The following ZFPM2 variants were observed in gnomAD, a reference collection of about 807,000 sequenced individuals.
ZFPM2 encodes the protein zinc finger protein ZFPM2.
In ZFPM2, 20 loss-of-function variants were observed where a neutral mutation model predicts 98.6. The ratio of observed to expected loss-of-function variants is 0.20; its 90% CI spans 0.14 to 0.29. The LOEUF (loss-of-function observed/expected upper bound fraction) is 0.29, where lower values mean the gene tolerates loss of function less well. ZFPM2 is among the 10% of genes least tolerant of loss of function. The pLI, the probability that ZFPM2 is intolerant of heterozygous loss-of-function variation, is 1.00. For synonymous variants in ZFPM2, 518 were observed against 502.7 expected (o/e 1.03, Z -0.41); for missense variants, 1,310 against 1,388.6 (o/e 0.94, Z 0.90).
At position 105,410,299 on chromosome 8, in the gene ZFPM2, CAAAG is replaced by C. The variant is rs1811550486; in HGVS notation, c.41-8841_41-8838del. Among the ~76,000 whole-genome samples, 7 of 151,902 alleles carry C rather than the reference CAAAG, an allele frequency of 4.6e-5. No homozygotes were observed. The South Asian group carries it at 1.0e-3, about 23-fold the overall frequency. ...TGTAACTGTATTGTTACACATGAAA[CAAAG>C]AAACGTATGCTGAATGTTTTTAAGG... On this transcript the variant is annotated intron_variant, in intron 1 of 7. Transcript: ENST00000407775.
chr8:105,772,935 A>C (rs1017586715), intron 5 of ZFPM2, among the ~76,000 whole-genome samples: 1 of 152,154 alleles, frequency 6.6e-6, no homozygotes, highest in Admixed American at 6.6e-5. Flanking sequence ...TGGGCACGTG[A>C]GTTGAATGCA....
chr8:105,769,360 T>C (rs1012644598), intron 5 of ZFPM2, among the ~76,000 whole-genome samples: 2 of 152,048 alleles, frequency 1.3e-5, no homozygotes, highest in African/African-American at 2.4e-5. Flanking sequence ...GACTCTGTGA[T>C]CCTTGCAGGT....
In ZFPM2 at chr8:105,598,054, A is replaced by G. The variant is rs77102831; in HGVS notation, c.421-36192A>G. 7.1e-5 allele frequency among the ~76,000 whole-genome samples: 10 copies of G among 141,546 alleles called. No individual in the cohort carries two copies. In the East Asian group the frequency reaches 1.2e-3, roughly 17 times the overall value. 92.9% of individuals were successfully genotyped at this position (141,546 alleles called of 152,430 possible). Reference sequence around the variant, plus strand: ...CTGTTATAACATCTGTTGTTCTTGGAAAAAAAAAAACCTTTTTTTTTTTTT... The same window carrying G: ...CTGTTATAACATCTGTTGTTCTTGGGAAAAAAAAAACCTTTTTTTTTTTTT... On this transcript the variant is annotated intron_variant, in intron 4 of 7. Coordinates refer to ENST00000407775, the MANE Select transcript of ZFPM2 (RefSeq NM_012082.4).
intron 5 of ZFPM2, among the ~76,000 whole-genome samples, chr8:105,689,258 A>G (rs898500919): frequency 5.3e-5 from 8 of 152,228 alleles, no homozygotes; most frequent in Non-Finnish European, 8.8e-5. Context: ...CTTTTTAAAA[A>G]GAGTAAGACA....
intron 1 of ZFPM2, among the ~76,000 whole-genome samples, chr8:105,358,123 A>G (rs947964437): frequency 5.3e-5 from 8 of 152,222 alleles, no homozygotes; most frequent in African/African-American, 1.9e-4. Flanking sequence ...GAGTAAAATT[A>G]ATTTTGTGAA....
intron 3 of ZFPM2, among the ~76,000 whole-genome samples, chr8:105,506,871 C>T (rs1321834858): frequency 1.3e-5 from 2 of 150,952 alleles, no homozygotes; most frequent in East Asian, 3.9e-4. Context: ...GCCTGTAGTC[C>T]CAGCTAGTTG....
At chr8:105,382,501 G>C (rs1375269511) in intron 1 of ZFPM2, among the ~76,000 whole-genome samples, 2 of 151,776 alleles carry the variant, frequency 1.3e-5, no homozygotes, top group Non-Finnish European at 2.9e-5. Context: ...CCTTCATTGA[G>C]AAGAATATTA....
intron 5 of ZFPM2, among the ~76,000 whole-genome samples, chr8:105,669,021 T>C (rs564203774): frequency 6.6e-6 from 1 of 152,282 alleles, no homozygotes; most frequent in East Asian, 1.9e-4. Flanking sequence ...TTTATATGCA[T>C]TATTCAACCT....
intron 1 of ZFPM2, among the ~76,000 whole-genome samples, chr8:105,409,624 G>A (rs1249273597): frequency 6.6e-6 from 1 of 151,812 alleles, no homozygotes; most frequent in East Asian, 1.9e-4. Flanking sequence ...GTAAATTATT[G>A]TACTCTTTGT....
At chr8:105,403,212 T>C (rs2129991656) in intron 1 of ZFPM2, among the ~76,000 whole-genome samples, 1 of 152,212 alleles carries the variant, frequency 6.6e-6, no homozygotes, top group African/African-American at 2.4e-5. Context: ...TCCTTAGTGT[T>C]ATACCTACTG....
At position 105,801,939 on chromosome 8, in the gene ZFPM2, ACTT is replaced by A; in HGVS notation, c.1862_1864del (p.Leu621del). On this transcript the variant is annotated inframe_deletion, in exon 8 of 8. Transcript: ENST00000407775. ...CTCATTCTGCTGATCCTGAGAATCC[ACTT>A]CTTCAAACATCTTGCATCAATTCTT... The A allele has an allele frequency of 6.2e-7, 1 of 1,613,846 alleles. No homozygotes were observed. Among genetic ancestry groups the A allele is most frequent in the Non-Finnish European group, 8.5e-7 (1 of 1,179,858 alleles).
intron 3 of ZFPM2, among the ~76,000 whole-genome samples, chr8:105,511,499 A>G (rs1242624106): frequency 6.6e-6 from 1 of 152,218 alleles, no homozygotes; most frequent in Non-Finnish European, 1.5e-5. Context: ...TATGGTAGTG[A>G]TTGTCATGAA....
intron 4 of ZFPM2, among the ~76,000 whole-genome samples, chr8:105,568,554 A>T (rs1486323583): frequency 6.6e-6 from 1 of 152,126 alleles, no homozygotes; most frequent in African/African-American, 2.4e-5. Flanking sequence ...TCCAGAAACC[A>T]AGCATCATAA....
intron 1 of ZFPM2, among the ~76,000 whole-genome samples, chr8:105,378,243 G>A (rs1208662678): frequency 3.9e-5 from 6 of 152,170 alleles, no homozygotes; most frequent in Non-Finnish European, 5.9e-5. Context: ...AACTGGGGGT[G>A]AACTAAGAAT....
chr8:105,785,739 AC>A (rs1813395933), intron 5 of ZFPM2, among the ~76,000 whole-genome samples: 1 of 151,992 alleles, frequency 6.6e-6, no homozygotes, highest in Non-Finnish European at 1.5e-5. Context: ...CTCCATCTCT[AC>A]AAAAAATATT....
intron 5 of ZFPM2, among the ~76,000 whole-genome samples, chr8:105,694,674 C>G (rs1311104630): frequency 1.3e-5 from 2 of 152,142 alleles, no homozygotes; most frequent in Non-Finnish European, 2.9e-5. Flanking sequence ...TACTCAATGT[C>G]TTTAGGTCCT....
chr8:105,573,161 A>G (rs1815393687), intron 4 of ZFPM2, among the ~76,000 whole-genome samples: 1 of 152,066 alleles, frequency 6.6e-6, no homozygotes, highest in African/African-American at 2.4e-5. Flanking sequence ...GTGGGCCTCT[A>G]CTTAAGGCCA....
chr8:105,644,533 G>C (rs533443526), intron 5 of ZFPM2, among the ~76,000 whole-genome samples: 1 of 150,342 alleles, frequency 6.7e-6, no homozygotes, highest in East Asian at 2.0e-4. Context: ...TCTCTCCCTC[G>C]CTCCCCATAC....
chr8:105,517,667 TAGTG>T lies in ZFPM2; in HGVS notation c.302-43693_302-43690del, dbSNP rs146878755. ...GAGTTTGAGACCAGCCTGGGGAACA[TAGTG>T]AGACCCTATCCACACACACACCACA... On this transcript the variant is annotated intron_variant, in intron 3 of 7. Transcript: ENST00000407775. Among the ~76,000 whole-genome samples, 612 of 112,986 alleles carry T rather than the reference TAGTG, an allele frequency of 5.4e-3. 4 individuals carry two copies. The highest frequency in any genetic ancestry group is 0.022 in the African/African-American group (575 of 25,950). The allele number at this position is 112,986 out of a possible 152,430, so 74.1% of individuals were successfully genotyped here.
Sources: gnomAD v4.1 joint callset for allele counts (sites outside exome capture counted in the v4.1 genomes callset) on GRCh38, gnomAD v4.1.1 for gene constraint, MANE v1.5 for transcripts, NCBI Gene and HGNC (gene_info 2026-07-23, HGNC 2026-07-21) for gene names.